PDK3: variants seen among roughly 807,000 people sequenced by gnomAD.
PDK3 encodes pyruvate dehydrogenase kinase 3.
Under a neutral mutation model 32.0 loss-of-function variants are expected in PDK3, and 12 were observed. The ratio of observed to expected loss-of-function variants is 0.37; its 90% CI spans 0.24 to 0.61. The LOEUF (loss-of-function observed/expected upper bound fraction) is 0.61. Among genes scored for constraint, PDK3 ranks in the 20% least tolerant of loss-of-function variants. The pLI is 0.65. For missense variants in PDK3, 188 were observed against 316.9 expected, an observed-to-expected ratio of 0.59 and a Z score of 3.09; for synonymous variants, 122 against 116.3, an observed-to-expected ratio of 1.05 and a Z score of -0.31.
intron 3 of PDK3, among the ~76,000 whole-genome samples, chrX:24,501,827 TC>T (rs1232314708): frequency 8.9e-6 from 1 of 112,619 alleles, no homozygotes; most frequent in Non-Finnish European, 1.9e-5. Context: ...TTGCTGATTG[TC>T]CTGAGAAGTG....
intron 1 of PDK3, among the ~76,000 whole-genome samples, chrX:24,481,446 A>T (rs1178592201): frequency 8.9e-6 from 1 of 112,176 alleles, no homozygotes; most frequent in Non-Finnish European, 1.9e-5. Flanking sequence ...ATAACTGTAT[A>T]GAGAGACAAA....
In PDK3 at chrX:24,500,827, C is replaced by T. The variant is rs187448372; in HGVS notation, c.320+1927C>T. 2.7e-5 allele frequency among the ~76,000 whole-genome samples: 3 copies of T among 111,497 alleles called. No homozygotes were observed. In the Admixed American group the frequency reaches 2.9e-4, roughly 11 times the overall value. On this transcript the variant is annotated intron_variant, in intron 3 of 10. Transcript: ENST00000379162. ...TCATTTATGATAGAGTTTAGAAGAG[C>T]CCGGAAGATTGGAGGAGAATTCTGA...
intron 1 of PDK3, among the ~76,000 whole-genome samples, chrX:24,467,524 G>A (rs758359451): frequency 3.5e-4 from 39 of 112,305 alleles, no homozygotes; most frequent in Non-Finnish European, 6.4e-4. Flanking sequence ...TAGTTGTAGT[G>A]GAATTTGCTA....
downstream of PDK3, among the ~76,000 whole-genome samples, chrX:24,534,647 G>A (rs1032679424): frequency 2.7e-5 from 3 of 112,688 alleles, no homozygotes; most frequent in Non-Finnish European, 5.6e-5. Context: ...ATGTAGCAAT[G>A]GTTAAGATGG....
intron 5 of PDK3, among the ~76,000 whole-genome samples, chrX:24,515,968 G>T (rs189525095): frequency 9.9e-5 from 11 of 110,755 alleles, no homozygotes; most frequent in South Asian, 3.8e-4. Flanking sequence ...TCTTTATAGA[G>T]ATTTAATTCT....
chrX:24,546,462 CCT>C (rs771091034), exon 12 of PDK3: 1 of 111,900 alleles, frequency 8.9e-6, no homozygotes, highest in South Asian at 3.7e-4. Context: ...GGAAGGCCTC[CCT>C]CTCAAGTCCA....
intron 1 of PDK3, among the ~76,000 whole-genome samples, chrX:24,479,366 G>A (rs1921192260): frequency 8.9e-6 from 1 of 112,096 alleles, no homozygotes. Context: ...CATGGCCAGG[G>A]TACTGCTTCT....
At chrX:24,524,313 A>G (rs1922470538) in intron 6 of PDK3, among the ~76,000 whole-genome samples, 1 of 112,158 alleles carries the variant, frequency 8.9e-6, no homozygotes, top group Non-Finnish European at 1.9e-5. Context: ...GATACCATGC[A>G]GTAGGTATGG....
chrX:24,524,402 A>T (rs768110932), intron 6 of PDK3, among the ~76,000 whole-genome samples: 1 of 111,878 alleles, frequency 8.9e-6, no homozygotes, highest in Admixed American at 9.5e-5. Context: ...AAGCTGGAAG[A>T]TCTTAGCGAA....
At chrX:24,539,136 A>G (rs1175321504), downstream of PDK3, 1 of 1,113,353 alleles carries the variant, frequency 9.0e-7, no homozygotes, top group Non-Finnish European at 1.2e-6. Flanking sequence ...CTTTGTAGAG[A>G]CAAGATCAAG....
chrX:24,482,641 T>C (rs1006826962), intron 1 of PDK3, among the ~76,000 whole-genome samples: 1 of 112,672 alleles, frequency 8.9e-6, no homozygotes, highest in Non-Finnish European at 1.9e-5. Context: ...TGGTATAATC[T>C]AATGCTTATC....
exon 12 of PDK3, among the ~76,000 whole-genome samples, chrX:24,542,441 G>T (rs1367696951): frequency 1.8e-5 from 2 of 112,806 alleles, no homozygotes; most frequent in Non-Finnish European, 3.7e-5. Flanking sequence ...AGGTGGCATG[G>T]TAAGTCAATG....
chrX:24,527,462 AT>A (rs994615044), intron 7 of PDK3, 111 bp from the exon 8 acceptor site: 2 of 463,846 alleles, frequency 4.3e-6, no homozygotes, highest in Non-Finnish European at 7.0e-6. Flanking sequence ...TCCAACTAAT[AT>A]TTGCCCCAAA....
exon 12 of PDK3, chrX:24,546,658 A>C (rs1428283858): frequency 8.9e-6 from 1 of 112,138 alleles, no homozygotes; most frequent in Non-Finnish European, 1.9e-5. Flanking sequence ...TGTGTGACAC[A>C]GGTGGCTCCT....
At position 24,489,151 on chromosome X, in the gene PDK3, G is replaced by A. The variant is rs149943391; in HGVS notation, c.107-5591G>A. Reference sequence around the variant, plus strand: ...GTTAGAACCTTTTCATTTAAACTGAGTATCCGGCATTAATACATAGGAAAG... The same window carrying A: ...GTTAGAACCTTTTCATTTAAACTGAATATCCGGCATTAATACATAGGAAAG... On this transcript the variant is annotated intron_variant, in intron 1 of 10. Coordinates refer to ENST00000379162, the MANE Select transcript of PDK3 (RefSeq NM_005391.5). Among the ~76,000 whole-genome samples the A allele has an allele frequency of 1.2e-4, 13 of 111,745 alleles. No homozygotes were observed. The East Asian group carries it at 3.7e-3, about 31-fold the overall frequency.
chrX:24,469,224 C>T (rs1276963898), intron 1 of PDK3, among the ~76,000 whole-genome samples: 3 of 111,707 alleles, frequency 2.7e-5, no homozygotes, highest in Non-Finnish European at 3.8e-5. Flanking sequence ...TGCATGTCCG[C>T]GTGTATCTGT....
intron 1 of PDK3, among the ~76,000 whole-genome samples, chrX:24,471,738 G>A (rs1387470067): frequency 8.9e-6 from 1 of 112,018 alleles, no homozygotes. Context: ...GACTATCAGT[G>A]TTATGTTTGA....
chrX:24,478,169 G>A, intron 1 of PDK3, among the ~76,000 whole-genome samples: 1 of 111,621 alleles, frequency 9.0e-6, no homozygotes, highest in Non-Finnish European at 1.9e-5. Context: ...TTGAGGCCGG[G>A]CATGGTGGCT....
intron 1 of PDK3, among the ~76,000 whole-genome samples, chrX:24,482,056 A>T (rs1292980026): frequency 8.9e-6 from 1 of 112,254 alleles, no homozygotes; most frequent in Non-Finnish European, 1.9e-5. Flanking sequence ...ACTCTCTGCT[A>T]AACACAATAG....
Sources: gnomAD v4.1 joint callset for allele counts (sites outside exome capture counted in the v4.1 genomes callset) on GRCh38, gnomAD v4.1.1 for gene constraint, MANE v1.5 for transcripts, NCBI Gene and HGNC (gene_info 2026-07-23, HGNC 2026-07-21) for gene names.